CALN1: variants seen among roughly 807,000 people sequenced by gnomAD.
CALN1 encodes the protein calneuron 1, also known as calcium-binding protein 8.
In CALN1, 17 loss-of-function variants were observed where a neutral mutation model predicts 30.6. That is an observed-to-expected ratio of 0.56 (90% confidence interval 0.38 to 0.83). The LOEUF (loss-of-function observed/expected upper bound fraction) is 0.83, where lower values mean the gene tolerates loss of function less well. CALN1 is among the 40% of genes least tolerant of loss of function. The pLI is 0.00. For missense variants in CALN1, 291 were observed against 354.9 expected (o/e 0.82, Z 1.45); for synonymous variants, 156 against 131.4 (o/e 1.19, Z -1.28).
In CALN1 at chr7:72,095,950, G is replaced by A. The variant is rs551963697; in HGVS notation, c.388+10201C>T. ...AGCAACTCGGGAAGCTGAGGCAGGCGGATGGCTTGAGCCCAGGGGGCAAGG... is the reference window on the plus strand; with the variant it reads ...AGCAACTCGGGAAGCTGAGGCAGGCAGATGGCTTGAGCCCAGGGGGCAAGG... On this transcript the variant is annotated intron_variant, in intron 4 of 6. Coordinates refer to ENST00000395275, the MANE Select transcript of CALN1 (RefSeq NM_031468.4). Among the ~76,000 whole-genome samples the A allele has an allele frequency of 1.2e-4, 18 of 152,164 alleles. 1 individual carries two copies. The highest frequency in any genetic ancestry group is 2.9e-4 in the African/African-American group (12 of 41,514).
intron 1 of CALN1, among the ~76,000 whole-genome samples, chr7:72,407,911 G>A (rs544777131): frequency 3.3e-5 from 5 of 152,160 alleles, no homozygotes; most frequent in South Asian, 2.1e-4. Flanking sequence ...ACACGGAACC[G>A]GGGAAGATTG....
chr7:72,346,882 G>A (rs1802671708), intron 2 of CALN1, among the ~76,000 whole-genome samples: 2 of 152,164 alleles, frequency 1.3e-5, no homozygotes, highest in South Asian at 2.1e-4. Flanking sequence ...TAAAGAAAAT[G>A]CACTCAATAG....
At chr7:72,214,924 T>C (rs558098) in intron 3 of CALN1, among the ~76,000 whole-genome samples, 77,537 of 150,686 alleles carry the variant, frequency 0.51, 22,229 homozygotes, top group East Asian at 0.99. Context: ...CTCCCATCAC[T>C]CCCAGATAGG....
At chr7:71,943,763 C>T (rs930165708) in intron 5 of CALN1, among the ~76,000 whole-genome samples, 2 of 151,976 alleles carry the variant, frequency 1.3e-5, no homozygotes, top group African/African-American at 4.8e-5. Flanking sequence ...TCTCATAGTG[C>T]TGTTGGGAGG....
At chr7:72,495,871 T>C in the CALN1 span, among the ~76,000 whole-genome samples, 5 of 152,242 alleles carry the variant, frequency 3.3e-5, no homozygotes, top group African/African-American at 4.8e-5. Context: ...TTCAGATTTG[T>C]ATATCATGGG....
intron 6 of CALN1, among the ~76,000 whole-genome samples, chr7:71,793,294 G>A (rs539217849): frequency 2.8e-4 from 43 of 152,026 alleles, no homozygotes; most frequent in South Asian, 1.9e-3. Flanking sequence ...CAACAAGAGC[G>A]AAACTCCATC....
At chr7:72,492,512 T>C in the CALN1 span, among the ~76,000 whole-genome samples, 15 of 148,886 alleles carry the variant, frequency 1.0e-4, no homozygotes, top group Admixed American at 8.1e-4. Flanking sequence ...TGCATGCAAG[T>C]TGGGTGAGAA....
chr7:72,337,422 G>GCACACA (rs5884886), intron 2 of CALN1, among the ~76,000 whole-genome samples: 1 of 150,710 alleles, frequency 6.6e-6, no homozygotes, highest in African/African-American at 2.4e-5. Context: ...ACACTCGCGC[G>GCACACA]CACACACACA....
At chr7:72,197,764 G>A (rs1309165843) in intron 3 of CALN1, among the ~76,000 whole-genome samples, 1 of 152,170 alleles carries the variant, frequency 6.6e-6, no homozygotes. Flanking sequence ...GCTGAGGCTG[G>A]AGGATCACTT....
intron 5 of CALN1, among the ~76,000 whole-genome samples, chr7:71,970,244 T>C (rs1235732118): frequency 6.6e-6 from 1 of 152,110 alleles, no homozygotes; most frequent in African/African-American, 2.4e-5. Context: ...TATATACAGG[T>C]TGGATAGTCA....
At chr7:72,403,154 C>T (rs1806453281) in intron 2 of CALN1, 97 bp downstream of exon 2, 1 of 825,460 alleles carries the variant, frequency 1.2e-6, no homozygotes, top group Non-Finnish European at 1.9e-6. Flanking sequence ...CCAGCCTAGA[C>T]ACGCAGCAGC....
At chr7:71,929,921 G>C (rs543287169) in intron 5 of CALN1, among the ~76,000 whole-genome samples, 1 of 152,240 alleles carries the variant, frequency 6.6e-6, no homozygotes, top group East Asian at 1.9e-4. Flanking sequence ...TGTGGGAATT[G>C]GTTTCAGGAC....
At chr7:72,077,110 T>C (rs1219754087) in intron 4 of CALN1, among the ~76,000 whole-genome samples, 6 of 152,110 alleles carry the variant, frequency 3.9e-5, no homozygotes, top group Non-Finnish European at 7.4e-5. Flanking sequence ...GTGGGTGGTA[T>C]GGTAGTTCTG....
At chr7:72,078,286 T>C (rs1008520337) in intron 4 of CALN1, among the ~76,000 whole-genome samples, 8 of 151,974 alleles carry the variant, frequency 5.3e-5, no homozygotes, top group Admixed American at 1.3e-4. Context: ...GAATGAGGAT[T>C]AACCAAAAAC....
intron 5 of CALN1, among the ~76,000 whole-genome samples, chr7:71,972,574 G>C (rs566211136): frequency 4.6e-5 from 7 of 152,118 alleles, no homozygotes; most frequent in African/African-American, 1.7e-4. Flanking sequence ...GTATTTTGTC[G>C]CAAGTGATAA....
At chr7:71,975,801 A>G (rs573467101) in intron 5 of CALN1, among the ~76,000 whole-genome samples, 1 of 150,460 alleles carries the variant, frequency 6.6e-6, no homozygotes, top group Admixed American at 6.6e-5. Context: ...ATGCCCCTTA[A>G]TCCTCCCTCC....
At chr7:72,100,448 CT>C (rs1258198625) in intron 4 of CALN1, among the ~76,000 whole-genome samples, 1 of 152,098 alleles carries the variant, frequency 6.6e-6, no homozygotes, top group Non-Finnish European at 1.5e-5. Context: ...TCCCGAAGTG[CT>C]GGGATTACAA....
At chr7:72,116,610 C>G (rs564645585) in intron 3 of CALN1, among the ~76,000 whole-genome samples, 5 of 152,258 alleles carry the variant, frequency 3.3e-5, no homozygotes, top group Non-Finnish European at 7.4e-5. Flanking sequence ...ACAGCTAGCA[C>G]TAGCGGCCAG....
At chr7:72,338,568 T>C (rs983576926) in intron 2 of CALN1, among the ~76,000 whole-genome samples, 1 of 149,372 alleles carries the variant, frequency 6.7e-6, no homozygotes, top group African/African-American at 2.5e-5. Context: ...AGGCACTCAT[T>C]GTGGGTGCCA....
Sources: gnomAD v4.1 joint callset for allele counts (sites outside exome capture counted in the v4.1 genomes callset) on GRCh38, gnomAD v4.1.1 for gene constraint, MANE v1.5 for transcripts, NCBI Gene and HGNC (gene_info 2026-07-23, HGNC 2026-07-21) for gene names.